CACNA2D3: variants seen among roughly 807,000 people sequenced by gnomAD.
CACNA2D3 encodes the protein voltage-dependent calcium channel subunit alpha-2/delta-3.
In CACNA2D3, 60 loss-of-function variants were observed where a neutral mutation model predicts 160.6. That is an observed-to-expected ratio of 0.37 (90% CI 0.30 to 0.46). The LOEUF (loss-of-function observed/expected upper bound fraction) is 0.46, where lower values mean the gene tolerates loss of function less well. CACNA2D3 is among the 20% of genes least tolerant of loss of function. The pLI is 1.00. For synonymous variants in CACNA2D3, 558 were observed against 492.9 expected (o/e 1.13, Z -1.75); for missense variants, 1,205 against 1,365.0 (o/e 0.88, Z 1.85).
At chr3:54,155,729 C>T (rs980502499) in intron 2 of CACNA2D3, among the ~76,000 whole-genome samples, 15 of 152,178 alleles carry the variant, frequency 9.9e-5, no homozygotes, top group Non-Finnish European at 2.1e-4. Context: ...GCCATCAGCT[C>T]TCATGTTCAG....
At chr3:54,688,770 A>G (rs1349612164) in intron 11 of CACNA2D3, among the ~76,000 whole-genome samples, 1 of 151,130 alleles carries the variant, frequency 6.6e-6, no homozygotes, top group African/African-American at 2.4e-5. Context: ...TGGGAGGCCA[A>G]GGTGGGCGGA....
chr3:54,482,049 T>C (rs1186039175), intron 4 of CACNA2D3, among the ~76,000 whole-genome samples: 2 of 152,226 alleles, frequency 1.3e-5, no homozygotes, highest in African/African-American at 4.8e-5. Context: ...TCAAGAAATA[T>C]GTCTATAACA....
At chr3:54,795,888 C>A (rs1319337239) in intron 13 of CACNA2D3, among the ~76,000 whole-genome samples, 1 of 152,200 alleles carries the variant, frequency 6.6e-6, no homozygotes, top group Non-Finnish European at 1.5e-5. Context: ...AAAAATTCCA[C>A]TGAAAATACA....
At chr3:54,266,987 G>A (rs1277478317) in intron 2 of CACNA2D3, among the ~76,000 whole-genome samples, 1 of 152,116 alleles carries the variant, frequency 6.6e-6, no homozygotes, top group Non-Finnish European at 1.5e-5. Context: ...GAGCTTGGCA[G>A]TTTGTATACA....
intron 3 of CACNA2D3, among the ~76,000 whole-genome samples, chr3:54,383,489 T>A (rs2106652422): frequency 1.3e-5 from 2 of 152,356 alleles, no homozygotes; most frequent in Middle Eastern, 3.4e-3. Context: ...TTGTAGCTGC[T>A]GGTTGATTGT....
intron 5 of CACNA2D3, among the ~76,000 whole-genome samples, chr3:54,542,150 C>G (rs1416377244): frequency 6.6e-6 from 1 of 151,872 alleles, no homozygotes; most frequent in East Asian, 1.9e-4. Flanking sequence ...CAACCTCCGA[C>G]TCCCTGGTTC....
chr3:55,065,581 T>A (rs1341624401), intron 35 of CACNA2D3, among the ~76,000 whole-genome samples: 1 of 152,016 alleles, frequency 6.6e-6, no homozygotes, highest in African/African-American at 2.4e-5. Context: ...TGGGAAGGAT[T>A]GCTTGAGCCC....
chr3:54,362,453 A>C (rs1468585555), intron 3 of CACNA2D3, among the ~76,000 whole-genome samples: 1 of 152,296 alleles, frequency 6.6e-6, no homozygotes, highest in East Asian at 1.9e-4. Context: ...ATCTTATATA[A>C]TATCACCTAA....
chr3:54,249,822 A>T (rs1469608557), intron 2 of CACNA2D3, among the ~76,000 whole-genome samples: 1 of 151,836 alleles, frequency 6.6e-6, no homozygotes, highest in East Asian at 1.9e-4. Flanking sequence ...AATAATATCA[A>T]AGTGGTTCAT....
At chr3:54,853,007 C>T (rs79710279) in intron 17 of CACNA2D3, among the ~76,000 whole-genome samples, 1,735 of 152,234 alleles carry the variant, frequency 0.011, 38 homozygotes, top group African/African-American at 0.039. Context: ...CAGGTCCTTT[C>T]GTCCGTTCCT....
intron 13 of CACNA2D3, among the ~76,000 whole-genome samples, chr3:54,803,846 C>T (rs1703051946): frequency 6.6e-6 from 1 of 152,222 alleles, no homozygotes; most frequent in Non-Finnish European, 1.5e-5. Flanking sequence ...ATCAGACTAA[C>T]AGCGGATCTC....
At chr3:54,647,980 A>G (rs1699685680) in intron 11 of CACNA2D3, among the ~76,000 whole-genome samples, 2 of 152,266 alleles carry the variant, frequency 1.3e-5, no homozygotes, top group Admixed American at 6.5e-5. Flanking sequence ...AACTCATTCC[A>G]GGACCTGCTC....
chr3:55,004,126 C>A (rs922272757), intron 31 of CACNA2D3, among the ~76,000 whole-genome samples: 3 of 152,182 alleles, frequency 2.0e-5, no homozygotes, highest in Admixed American at 1.3e-4. Flanking sequence ...GAAAGCCATA[C>A]TTTTATCGCC....
chr3:54,225,504 TA>T (rs2107384019), intron 2 of CACNA2D3, among the ~76,000 whole-genome samples: 1 of 152,350 alleles, frequency 6.6e-6, no homozygotes, highest in African/African-American at 2.4e-5. Flanking sequence ...ATGTTATTTT[TA>T]TTGTGTGTTA....
intron 27 of CACNA2D3, among the ~76,000 whole-genome samples, chr3:54,948,229 G>A (rs1701665635): frequency 6.6e-6 from 1 of 152,176 alleles, no homozygotes; most frequent in South Asian, 2.1e-4. Context: ...GACTAGAAAA[G>A]TATGTGTGAT....
At position 55,058,908 on chromosome 3, in the gene CACNA2D3, G is replaced by C. The variant is rs536368790; in HGVS notation, c.2988-14537G>C. Among the ~76,000 whole-genome samples the C allele has an allele frequency of 1.8e-4, 27 of 152,068 alleles. No individual in the cohort carries two copies. In the East Asian group the frequency reaches 3.7e-3, roughly 21 times the overall value. ...TCAGGATAAGTAGAAGGATTTAAAC[G>C]GTGTGATACTTCCCCTCCCCGCCGC... is the stretch of plus-strand genomic sequence containing the variant. On this transcript the variant is annotated intron_variant, in intron 35 of 37. Coordinates refer to ENST00000474759, the MANE Select transcript of CACNA2D3 (RefSeq NM_018398.3).
intron 3 of CACNA2D3, among the ~76,000 whole-genome samples, chr3:54,335,435 C>A (rs1704352886): frequency 6.6e-6 from 1 of 152,132 alleles, no homozygotes; most frequent in East Asian, 1.9e-4. Context: ...CCTTTTTAGA[C>A]CATATAGGGT....
rs1168174352 is a variant in CACNA2D3, at chr3:54,803,378, G to C, written c.1381-13475G>C. ...AGAAGTGCTTAAAGGAGCTGATGGAGCTGAAAGCCAAGGCTCAAGAACTAC... is the reference window on the plus strand; with the variant it reads ...AGAAGTGCTTAAAGGAGCTGATGGACCTGAAAGCCAAGGCTCAAGAACTAC... On this transcript the variant is annotated intron_variant, in intron 13 of 37. Transcript: ENST00000474759. Among the ~76,000 whole-genome samples, 3 of 152,212 alleles carry C rather than the reference G, an allele frequency of 2.0e-5. No individual in the cohort carries two copies. The East Asian group carries it at 5.8e-4, about 29-fold the overall frequency.
At chr3:54,921,057 A>G (rs1314185298) in intron 27 of CACNA2D3, among the ~76,000 whole-genome samples, 1 of 152,196 alleles carries the variant, frequency 6.6e-6, no homozygotes, top group Non-Finnish European at 1.5e-5. Flanking sequence ...TTCATGGGCC[A>G]TGACCCCCTC....
Sources: gnomAD v4.1 joint callset for allele counts (sites outside exome capture counted in the v4.1 genomes callset) on GRCh38, gnomAD v4.1.1 for gene constraint, MANE v1.5 for transcripts, NCBI Gene and HGNC (gene_info 2026-07-23, HGNC 2026-07-21) for gene names.